Variants in RALGAPA2 observed in about 807,000 individuals in gnomAD.
RALGAPA2 encodes ral GTPase-activating protein subunit alpha-2.
RALGAPA2 carries 139 observed loss-of-function variants against 230.4 expected under a neutral mutation model. The ratio of observed to expected loss-of-function variants is 0.60; its 90% CI spans 0.53 to 0.69. The LOEUF (loss-of-function observed/expected upper bound fraction) is 0.69, where lower values mean the gene tolerates loss of function less well. Among genes scored for constraint, RALGAPA2 ranks in the 30% least tolerant of loss-of-function variants. The probability of loss-of-function intolerance (pLI) is 0.00; values close to 1 mark genes in which losing one functional copy is unlikely to be tolerated. For synonymous variants in RALGAPA2, 847 were observed against 837.8 expected (o/e 1.01, Z -0.19); for missense variants, 2,163 against 2,276.0 (o/e 0.95, Z 1.01).
intron 16 of RALGAPA2, among the ~76,000 whole-genome samples, chr20:20,593,966 G>T (rs773930792): frequency 2.0e-5 from 3 of 152,182 alleles, no homozygotes; most frequent in Non-Finnish European, 4.4e-5. Flanking sequence ...AAAGCTGTCA[G>T]GAGGGACGTA....
intron 27 of RALGAPA2, among the ~76,000 whole-genome samples, chr20:20,531,289 C>T (rs2063359397): frequency 6.6e-6 from 1 of 152,194 alleles, no homozygotes; most frequent in Non-Finnish European, 1.5e-5. Context: ...CCTTAAAGTG[C>T]CCAAGATTCA....
chr20:20,501,786 T>C (rs142600938), intron 35 of RALGAPA2, among the ~76,000 whole-genome samples: 55 of 152,290 alleles, frequency 3.6e-4, no homozygotes, highest in African/African-American at 1.3e-3. Flanking sequence ...GTGAGAGACA[T>C]CCAACTTTTC....
At chr20:20,588,407 C>A (rs978098171) in intron 18 of RALGAPA2, among the ~76,000 whole-genome samples, 1 of 152,104 alleles carries the variant, frequency 6.6e-6, no homozygotes, top group Non-Finnish European at 1.5e-5. Flanking sequence ...AACTAAAGAA[C>A]ATCCTGTTTA....
At chr20:20,662,028 C>T (rs1254882206) in intron 3 of RALGAPA2, among the ~76,000 whole-genome samples, 1 of 152,146 alleles carries the variant, frequency 6.6e-6, no homozygotes, top group Non-Finnish European at 1.5e-5. Flanking sequence ...GGGATATTAA[C>T]ACACACTATC....
intron 34 of RALGAPA2, chr20:20,504,882 C>T (rs2062486294): frequency 1.7e-6 from 1 of 588,100 alleles, no homozygotes. Flanking sequence ...GTATATATGT[C>T]TGTATGTCAG....
chr20:20,643,374 C>A, intron 5 of RALGAPA2, 132 bp downstream of exon 5: 1 of 835,006 alleles, frequency 1.2e-6, no homozygotes, highest in Non-Finnish European at 1.8e-6. Context: ...AATATAATTT[C>A]TCAATTAAAA....
At chr20:20,631,776 T>C (rs763584693) in intron 9 of RALGAPA2, among the ~76,000 whole-genome samples, 4 of 152,220 alleles carry the variant, frequency 2.6e-5, no homozygotes, top group Non-Finnish European at 4.4e-5. Flanking sequence ...CTGTGAGGTA[T>C]AGTGGCAGTC....
At chr20:20,625,092 C>T (rs561674045) in intron 10 of RALGAPA2, among the ~76,000 whole-genome samples, 1 of 152,102 alleles carries the variant, frequency 6.6e-6, no homozygotes, top group Non-Finnish European at 1.5e-5. Context: ...TTGGTCTATA[C>T]CTGCTTGCTT....
At chr20:20,430,236 G>C (rs969202077) in intron 37 of RALGAPA2, among the ~76,000 whole-genome samples, 4 of 152,250 alleles carry the variant, frequency 2.6e-5, no homozygotes, top group African/African-American at 7.2e-5. Context: ...ACAGGGAGCA[G>C]CTGGCAAAAC....
chr20:20,670,949 C>CAAAAAA (rs576675004), intron 3 of RALGAPA2, among the ~76,000 whole-genome samples: 1 of 55,882 alleles, frequency 1.8e-5, no homozygotes. Context: ...GACTCCGTCT[C>CAAAAAA]AAAAAAAAAA....
At chr20:20,611,068 AG>A (rs2065961164) in intron 14 of RALGAPA2, among the ~76,000 whole-genome samples, 1 of 152,148 alleles carries the variant, frequency 6.6e-6, no homozygotes, top group African/African-American at 2.4e-5. Flanking sequence ...AGGCCATCAG[AG>A]CTTCCTAATT....
intron 37 of RALGAPA2, among the ~76,000 whole-genome samples, chr20:20,440,023 T>C (rs2060701821): frequency 6.6e-6 from 1 of 152,206 alleles, no homozygotes; most frequent in Admixed American, 6.5e-5. Flanking sequence ...GGTCATAATG[T>C]CTATTTCTTA....
chr20:20,473,979 C>T (rs1158650369), intron 36 of RALGAPA2, among the ~76,000 whole-genome samples: 1 of 152,104 alleles, frequency 6.6e-6, no homozygotes, highest in Non-Finnish European at 1.5e-5. Flanking sequence ...ATTTATTGAG[C>T]TTGGAATTTA....
At chr20:20,653,850 G>T (rs965638234) in intron 3 of RALGAPA2, among the ~76,000 whole-genome samples, 9 of 151,968 alleles carry the variant, frequency 5.9e-5, no homozygotes, top group African/African-American at 2.2e-4. Context: ...AACCTAAAAT[G>T]TTATTTTTAT....
At chr20:20,671,302 T>G (rs762900718) in intron 3 of RALGAPA2, among the ~76,000 whole-genome samples, 2 of 152,262 alleles carry the variant, frequency 1.3e-5, no homozygotes, top group Non-Finnish European at 2.9e-5. Flanking sequence ...TCATGCCTTC[T>G]TATCTCTTAC....
At chr20:20,510,795 C>T (rs1464765713) in intron 33 of RALGAPA2, among the ~76,000 whole-genome samples, 1 of 152,178 alleles carries the variant, frequency 6.6e-6, no homozygotes, top group East Asian at 1.9e-4. Flanking sequence ...TTAATTACAA[C>T]ACACTGGTTT....
At chr20:20,652,980 C>A (rs1013778377) in intron 4 of RALGAPA2, among the ~76,000 whole-genome samples, 1 of 151,770 alleles carries the variant, frequency 6.6e-6, no homozygotes, top group Non-Finnish European at 1.5e-5. Context: ...TCGCTTGAGG[C>A]CAGGAGTTCG....
intron 15 of RALGAPA2, among the ~76,000 whole-genome samples, chr20:20,604,672 A>AT (rs577112932): frequency 0.029 from 4,113 of 142,816 alleles, 64 homozygotes; most frequent in South Asian, 0.07. Context: ...ACATTATGAG[A>AT]TTTTTTTTTT....
intron 20 of RALGAPA2, among the ~76,000 whole-genome samples, chr20:20,577,873 C>T (rs1475605406): frequency 1.3e-5 from 2 of 152,062 alleles, no homozygotes; most frequent in African/African-American, 4.8e-5. Context: ...ATGTAGCTAT[C>T]CAAAACAGAG....
Sources: allele counts gnomAD v4.1 joint callset (sites outside exome capture counted in the v4.1 genomes callset), GRCh38; gene constraint gnomAD v4.1.1; transcripts MANE v1.5; gene names NCBI Gene and HGNC (gene_info 2026-07-23, HGNC 2026-07-21).